The following TOGARAM1 variants were observed in gnomAD, a reference collection of about 807,000 sequenced individuals.
TOGARAM1 encodes TOG array regulator of axonemal microtubules 1, also known as TOG array regulator of axonemal microtubules protein 1.
In TOGARAM1, 100 loss-of-function variants were observed where a neutral mutation model predicts 166.6. That is an observed-to-expected ratio of 0.60 (90% CI 0.51 to 0.71). TOGARAM1 has a LOEUF of 0.71. TOGARAM1 is among the 30% of genes least tolerant of loss of function. TOGARAM1 has a pLI of 0.00. For missense variants in TOGARAM1, 2,029 were observed against 2,102.7 expected, an observed-to-expected ratio of 0.96 and a Z score of 0.69; for synonymous variants, 758 against 763.8, an observed-to-expected ratio of 0.99 and a Z score of 0.13.
chr14:45,028,204 A>AT lies in TOGARAM1; in HGVS notation c.3534dup (p.Asn1179Ter). On this transcript the variant is annotated frameshift_variant, in exon 10 of 20. Coordinates refer to ENST00000361462, the MANE Select transcript of TOGARAM1 (RefSeq NM_001308120.2). LOFTEE classifies it high-confidence loss of function. ...AAAGTTTCTATTTCTAAATCTACTT[A>AT]TAACAAGATGAGACAAAAGAGAAAA... The AT allele has an allele frequency of 6.3e-7, 1 of 1,585,684 alleles. No homozygotes were observed. Among genetic ancestry groups the AT allele is most frequent in the Non-Finnish European group, 8.5e-7 (1 of 1,172,776 alleles).
chr14:44,962,562 C>G lies in TOGARAM1; in HGVS notation c.141C>G (p.Asn47Lys), dbSNP rs760051094. 3 of 1,614,026 alleles carry G rather than the reference C, an allele frequency of 1.9e-6. No homozygotes were observed. Among genetic ancestry groups the G allele is most frequent in the Non-Finnish European group, 2.5e-6 (3 of 1,179,952 alleles). The stretch of plus-strand genomic sequence containing the variant: ...GGGGCATTATGAGAGGAGAGAAAAA[C>G]TACTACTTCCGTGGAGCTGCGGGGG... ...RVGGIMRGEK[N>K]YYFRGAAGDH... The change falls in exon 1 of 20, where the codon AAC becomes AAG. Residue 47 changes from asparagine to lysine, a missense_variant. Physicochemically the swap from Asn to Lys is moderately conservative, Grantham distance 94. Transcript: ENST00000361462.
chr14:45,050,235 G>T (rs963495791), intron 14 of TOGARAM1, among the ~76,000 whole-genome samples: 6 of 152,074 alleles, frequency 3.9e-5, no homozygotes, highest in Non-Finnish European at 4.4e-5. Context: ...TACATTTGAA[G>T]GGGTCACGTT....
rs181618946 is a variant in TOGARAM1, at chr14:44,986,295, T to G, written c.2047-9451T>G. Among the ~76,000 whole-genome samples the G allele has an allele frequency of 5.1e-4, 77 of 152,262 alleles. No homozygotes were observed. In the East Asian group the frequency reaches 0.013, roughly 26 times the overall value. ...TAATTAGATGACTTATGTGAACTTT[T>G]TTGTTGTTGTTAGAGACAGAGCCTT... On this transcript the variant is annotated intron_variant, in intron 1 of 19. Transcript: ENST00000361462.
chr14:44,980,809 GT>G, intron 1 of TOGARAM1, among the ~76,000 whole-genome samples: 1 of 152,274 alleles, frequency 6.6e-6, no homozygotes, highest in African/African-American at 2.4e-5. Flanking sequence ...TTGCTGGAGG[GT>G]TTTTGTTTGT....
intron 1 of TOGARAM1, among the ~76,000 whole-genome samples, chr14:44,989,145 AGACACTTTTT>A (rs1449391809): frequency 6.6e-6 from 1 of 152,206 alleles, no homozygotes; most frequent in Non-Finnish European, 1.5e-5. Context: ...AAATTTGATA[AGACACTTTTT>A]TTCGATGTCC....
Position 44,992,108 on chromosome 14 carries a change from C to CA in TOGARAM1, c.2047-3628dup, listed in dbSNP as rs949541202. ...AAAAAAAAAAAAAAAAAAACCAAAC[C>CA]AAAAAAAAAACACCAAAAAGTATAG... On this transcript the variant is annotated intron_variant, in intron 1 of 19. Coordinates refer to ENST00000361462, the MANE Select transcript of TOGARAM1 (RefSeq NM_001308120.2). Among the ~76,000 whole-genome samples the CA allele has an allele frequency of 3.3e-3, 314 of 94,166 alleles. 2 individuals carry two copies. The highest frequency in any genetic ancestry group is 9.3e-3 in the African/African-American group (236 of 25,402). 61.8% of individuals were successfully genotyped at this position (94,166 alleles called of 152,430 possible). A position where few individuals can be genotyped will look rare whatever the true frequency, so the allele number is the denominator to read the frequency against.
chr14:45,000,086 C>A (rs963818697), intron 3 of TOGARAM1, among the ~76,000 whole-genome samples: 2 of 151,962 alleles, frequency 1.3e-5, no homozygotes, highest in Admixed American at 1.3e-4. Flanking sequence ...TCCGCCCCTG[C>A]CCCCGGGTTT....
intron 1 of TOGARAM1, among the ~76,000 whole-genome samples, chr14:44,973,590 C>CTA (rs1386128952): frequency 8.6e-4 from 127 of 146,896 alleles, no homozygotes; most frequent in African/African-American, 3.2e-3. Context: ...CTCTCTCTCT[C>CTA]TCTCTCTATA....
intron 11 of TOGARAM1, among the ~76,000 whole-genome samples, chr14:45,039,655 T>C (rs1300184839): frequency 6.6e-6 from 1 of 152,078 alleles, no homozygotes; most frequent in African/African-American, 2.4e-5. Flanking sequence ...ACAACTTTGC[T>C]CCAAAATTGG....
intron 13 of TOGARAM1, among the ~76,000 whole-genome samples, chr14:45,046,220 G>A (rs1026771869): frequency 6.6e-6 from 1 of 152,142 alleles, no homozygotes. Flanking sequence ...GATCCCTTGA[G>A]TCCAGGAGTT....
rs1883145913 is a variant in TOGARAM1 at position 45,066,566 on chromosome 14, C to G, written c.4560-12C>G. On this transcript the variant is annotated splice_polypyrimidine_tract_variant and intron_variant, in intron 16 of 19. Coordinates refer to ENST00000361462, the MANE Select transcript of TOGARAM1 (RefSeq NM_001308120.2). The stretch of plus-strand genomic sequence containing the variant: ...TACAAATGAAATTACCTTCACCTTT[C>G]TTTCACTTTAGAGCTGTAACTGAAG... The G allele has an allele frequency of 1.3e-6, 2 of 1,575,550 alleles. No individual in the cohort carries two copies. Among genetic ancestry groups the G allele is most frequent in the African/African-American group, 1.4e-5 (1 of 73,590 alleles).
intron 11 of TOGARAM1, among the ~76,000 whole-genome samples, chr14:45,035,008 A>G (rs1881350646): frequency 6.6e-6 from 1 of 152,170 alleles, no homozygotes; most frequent in Non-Finnish European, 1.5e-5. Context: ...GAGATATAAT[A>G]TATATAAGAA....
At chr14:44,983,848 C>T (rs183399097) in intron 1 of TOGARAM1, among the ~76,000 whole-genome samples, 39 of 152,108 alleles carry the variant, frequency 2.6e-4, no homozygotes, top group South Asian at 1.0e-3. Flanking sequence ...AAATCATAAA[C>T]GACACAAAAG....
At chr14:45,036,010 G>A (rs1881411703) in intron 11 of TOGARAM1, among the ~76,000 whole-genome samples, 1 of 150,036 alleles carries the variant, frequency 6.7e-6, no homozygotes. Flanking sequence ...TGTTTCTGTA[G>A]TCCCAGCTAA....
Position 45,006,250 on chromosome 14 carries a change from G to C in TOGARAM1, c.2887G>C (p.Asp963His). 1 of 1,610,508 alleles carries C rather than the reference G, an allele frequency of 6.2e-7. No individual in the cohort carries two copies. Among genetic ancestry groups the C allele is most frequent in the Non-Finnish European group, 8.5e-7 (1 of 1,177,790 alleles). The change falls in exon 5 of 20, where the codon GAT becomes CAT. Residue 963 changes from aspartate (D) to histidine (H), a missense_variant. Asp to His is a moderately conservative substitution (Grantham distance 81). This residue lies in a region of TOGARAM1 where 1,453 missense variants were observed against 1,432.2 expected (regional missense o/e 1.01). Coordinates refer to ENST00000361462, the MANE Select transcript of TOGARAM1 (RefSeq NM_001308120.2). ...TTCAGAATTAAATTTCAAGGATAAA[G>C]ATTTGGATCAAGAAGAGGTTAGAAC... ...DLSELNFKDK[D>H]LDQEEMHSSL...
At chr14:45,052,026 A>T (rs1458604132) in intron 14 of TOGARAM1, among the ~76,000 whole-genome samples, 2 of 152,228 alleles carry the variant, frequency 1.3e-5, no homozygotes. Context: ...CTACGCTTAG[A>T]CAGAATCATC....
chr14:45,070,106 C>T (rs997118848), intron 18 of TOGARAM1, among the ~76,000 whole-genome samples: 2 of 151,838 alleles, frequency 1.3e-5, no homozygotes, highest in African/African-American at 2.4e-5. Flanking sequence ...GGCATGAACC[C>T]GGGAGGTGGA....
chr14:44,982,219 GGT>G, intron 1 of TOGARAM1, among the ~76,000 whole-genome samples: 1 of 151,952 alleles, frequency 6.6e-6, no homozygotes, highest in Non-Finnish European at 1.5e-5. Flanking sequence ...ATAATATCGT[GGT>G]GTGTTTAACT....
rs146515749 is a variant in TOGARAM1 at position 44,963,263 on chromosome 14, A to G, written c.842A>G (p.Gln281Arg). The change falls in exon 1 of 20, where the codon CAA becomes CGA. Residue 281 changes from glutamine to arginine, a missense_variant. By Grantham distance (43) the Gln-to-Arg change is conservative. Coordinates refer to ENST00000361462, the MANE Select transcript of TOGARAM1 (RefSeq NM_001308120.2). The stretch of plus-strand genomic sequence containing the variant: ...TCTGAGACAGCTTTCTCCGCACTTC[A>G]ACAAATTGGGGAGCGACTTGGCCAA... Reference protein sequence around the residue: ...EESETAFSALQQIGERLGQDR... With the variant: ...EESETAFSALRQIGERLGQDR... The G allele has an allele frequency of 7.4e-4, 1,187 of 1,614,030 alleles. 1 individual carries two copies. Among genetic ancestry groups the G allele is most frequent in the Non-Finnish European group, 9.7e-4 (1,144 of 1,180,038 alleles).
Sources: gnomAD v4.1 joint callset for allele counts (sites outside exome capture counted in the v4.1 genomes callset) on GRCh38, gnomAD v4.1.1 for gene constraint, gnomAD v4.1.1 regional missense constraint, MANE v1.5 for transcripts, NCBI Gene and HGNC (gene_info 2026-07-23, HGNC 2026-07-21) for gene names.